The following STMND1 variants were observed in gnomAD, a reference collection of about 807,000 sequenced individuals.
The protein encoded by STMND1 is stathmin domain-containing protein 1.
Under a neutral mutation model 23.0 loss-of-function variants are expected in STMND1, and 17 were observed. The ratio of observed to expected loss-of-function variants is 0.74; its 90% CI spans 0.51 to 1.11. The LOEUF (loss-of-function observed/expected upper bound fraction) is 1.11, where lower values mean the gene tolerates loss of function less well. Ranked by LOEUF, STMND1 falls within the 50% of genes least tolerant of loss-of-function variation. The pLI, the probability that STMND1 is intolerant of heterozygous loss-of-function variation, is 0.00. For missense variants in STMND1, 305 were observed against 329.1 expected, an observed-to-expected ratio of 0.93 and a Z score of 0.57; for synonymous variants, 114 against 119.9, an observed-to-expected ratio of 0.95 and a Z score of 0.32.
chr6:17,108,958 A>G (rs1761062095), intron 1 of STMND1, among the ~76,000 whole-genome samples: 1 of 151,978 alleles, frequency 6.6e-6, no homozygotes, highest in African/African-American at 2.4e-5. Flanking sequence ...TGGCCTCCCA[A>G]TTTCCTTTTC....
intron 1 of STMND1, among the ~76,000 whole-genome samples, chr6:17,107,884 C>A (rs1014058097): frequency 6.6e-6 from 1 of 152,198 alleles, no homozygotes; most frequent in Non-Finnish European, 1.5e-5. Flanking sequence ...ACTGCTATAT[C>A]CCTGAGAGGC....
intron 1 of STMND1, among the ~76,000 whole-genome samples, chr6:17,111,761 C>T (rs1191932634): frequency 1.3e-5 from 2 of 152,114 alleles, no homozygotes; most frequent in Non-Finnish European, 2.9e-5. Context: ...CAACAGAATA[C>T]CATGGAAGGG....
intron 2 of STMND1, among the ~76,000 whole-genome samples, chr6:17,116,235 G>A (rs1761158768): frequency 6.6e-6 from 1 of 152,118 alleles, no homozygotes; most frequent in South Asian, 2.1e-4. Flanking sequence ...GAAGGGTGTT[G>A]AGAGAGAACA....
chr6:17,126,050 ATATATATATATATATATATAT>A (rs1310534117), intron 3 of STMND1, among the ~76,000 whole-genome samples: 20 of 28,150 alleles, frequency 7.1e-4, no homozygotes, highest in African/African-American at 3.7e-3. Context: ...ATATATATAT[ATATATATATATATATATATAT>A]TTTTTTTTTT....
intron 1 of STMND1, chr6:17,110,627 G>C (rs1216834288): frequency 3.4e-5 from 11 of 319,786 alleles, no homozygotes; most frequent in South Asian, 2.8e-4. Flanking sequence ...AATTAGCCGG[G>C]CGTGGTGGTG....
intron 3 of STMND1, among the ~76,000 whole-genome samples, chr6:17,123,654 A>G (rs1761260072): frequency 6.6e-6 from 1 of 152,240 alleles, no homozygotes. Flanking sequence ...AAAACTCTAC[A>G]CAACGCTCTC....
chr6:17,122,110 C>T (rs1761242474), intron 3 of STMND1, among the ~76,000 whole-genome samples: 1 of 152,068 alleles, frequency 6.6e-6, no homozygotes, highest in South Asian at 2.1e-4. Flanking sequence ...ATCCACCTGC[C>T]TCAGCCTCCC....
chr6:17,105,578 G>A (rs573882316), intron 1 of STMND1, among the ~76,000 whole-genome samples: 1 of 152,136 alleles, frequency 6.6e-6, no homozygotes, highest in Non-Finnish European at 1.5e-5. Flanking sequence ...CTGGGAGGCG[G>A]AGATTGCGGG....
intron 3 of STMND1, among the ~76,000 whole-genome samples, chr6:17,125,380 C>T (rs1581373925): frequency 6.6e-6 from 1 of 152,310 alleles, no homozygotes; most frequent in East Asian, 1.9e-4. Flanking sequence ...CATTTATCCA[C>T]ATAGGTATTA....
intron 4 of STMND1, 25 bp downstream of exon 4, chr6:17,129,268 G>A (rs917222743): frequency 6.5e-7 from 1 of 1,531,750 alleles, no homozygotes; most frequent in African/African-American, 1.4e-5. Flanking sequence ...GATGCTCTAG[G>A]CTTGAGGAGT....
At chr6:17,126,849 T>C (rs1054137269) in intron 3 of STMND1, among the ~76,000 whole-genome samples, 2 of 152,178 alleles carry the variant, frequency 1.3e-5, no homozygotes, top group African/African-American at 2.4e-5. Context: ...CTGAGAATCA[T>C]AGATTTTAAA....
chr6:17,105,435 C>T (rs993154420), intron 1 of STMND1, among the ~76,000 whole-genome samples: 2 of 151,564 alleles, frequency 1.3e-5, no homozygotes, highest in African/African-American at 2.4e-5. Flanking sequence ...CACCTGAGGT[C>T]AGGGGTTTGA....
chr6:17,123,403 T>G (rs1479264035), intron 3 of STMND1, among the ~76,000 whole-genome samples: 1 of 152,196 alleles, frequency 6.6e-6, no homozygotes, highest in Non-Finnish European at 1.5e-5. Flanking sequence ...TATCCCAACA[T>G]AAGCCAGGCT....
At chr6:17,127,325 G>A (rs1384665272) in intron 3 of STMND1, among the ~76,000 whole-genome samples, 1 of 152,158 alleles carries the variant, frequency 6.6e-6, no homozygotes, top group East Asian at 1.9e-4. Context: ...TGAGGCAGGT[G>A]GAACACCTGA....
intron 2 of STMND1, among the ~76,000 whole-genome samples, chr6:17,117,721 G>C (rs1228900949): frequency 9.0e-6 from 1 of 110,908 alleles, no homozygotes; most frequent in African/African-American, 3.5e-5. Flanking sequence ...TGTCACCCAA[G>C]CTGGATTGCA....
At chr6:17,105,807 C>T (rs1337553658) in intron 1 of STMND1, among the ~76,000 whole-genome samples, 2 of 152,020 alleles carry the variant, frequency 1.3e-5, no homozygotes, top group Non-Finnish European at 2.9e-5. Flanking sequence ...CTTCTGTAGT[C>T]CCAGCTACTC....
chr6:17,112,989 C>T (rs1269365343), intron 1 of STMND1, among the ~76,000 whole-genome samples: 1 of 152,150 alleles, frequency 6.6e-6, no homozygotes, highest in Non-Finnish European at 1.5e-5. Flanking sequence ...TGGTATCTCA[C>T]TGTAGTTTTG....
At chr6:17,113,310 G>A (rs1156516704) in intron 1 of STMND1, among the ~76,000 whole-genome samples, 1 of 152,160 alleles carries the variant, frequency 6.6e-6, no homozygotes, top group Non-Finnish European at 1.5e-5. Context: ...ATAGGATAGG[G>A]CAGGCAGTCG....
At chr6:17,109,062 T>C (rs1761064946) in intron 1 of STMND1, among the ~76,000 whole-genome samples, 1 of 152,220 alleles carries the variant, frequency 6.6e-6, no homozygotes, top group South Asian at 2.1e-4. Flanking sequence ...AAAGACTCCT[T>C]TCTTGGTTCT....
Sources: allele counts gnomAD v4.1 joint callset (sites outside exome capture counted in the v4.1 genomes callset), GRCh38; gene constraint gnomAD v4.1.1; transcripts MANE v1.5; gene names NCBI Gene and HGNC (gene_info 2026-07-23, HGNC 2026-07-21).